Variants in OSBPL10 observed in about 807,000 individuals in gnomAD.
OSBPL10 encodes the protein oxysterol-binding protein-related protein 10.
OSBPL10 carries 49 observed loss-of-function variants against 81.7 expected under a neutral mutation model. That is an observed-to-expected ratio of 0.60 (90% confidence interval 0.48 to 0.76). The LOEUF is 0.76. OSBPL10 is among the 30% of genes least tolerant of loss of function. The pLI is 0.00. For missense variants in OSBPL10, 923 were observed against 987.8 expected, an observed-to-expected ratio of 0.93 and a Z score of 0.88; for synonymous variants, 419 against 383.6, an observed-to-expected ratio of 1.09 and a Z score of -1.08.
intron 1 of OSBPL10, among the ~76,000 whole-genome samples, chr3:31,944,269 A>T (rs1044073698): frequency 6.6e-6 from 1 of 152,154 alleles, no homozygotes; most frequent in African/African-American, 2.4e-5. Context: ...AGTCATACCA[A>T]TCTATATTTC....
chr3:31,926,221 A>C (rs946340679), intron 1 of OSBPL10, among the ~76,000 whole-genome samples: 2 of 150,618 alleles, frequency 1.3e-5, no homozygotes, highest in Admixed American at 6.6e-5. Flanking sequence ...TAACATAAAC[A>C]GTCAATTCGC....
intron 1 of OSBPL10, among the ~76,000 whole-genome samples, chr3:31,950,563 T>C (rs1697837123): frequency 6.6e-6 from 1 of 152,208 alleles, no homozygotes; most frequent in Non-Finnish European, 1.5e-5. Flanking sequence ...TCTTATAAAA[T>C]GGAACATCCA....
chr3:31,774,397 C>CTCCA (rs1698486120), intron 4 of OSBPL10, among the ~76,000 whole-genome samples: 1 of 152,104 alleles, frequency 6.6e-6, no homozygotes, highest in Non-Finnish European at 1.5e-5. Flanking sequence ...AGCAGGCGAG[C>CTCCA]GGAGTGTCGA....
chr3:31,915,014 C>T (rs1208466303), intron 1 of OSBPL10, among the ~76,000 whole-genome samples: 1 of 152,072 alleles, frequency 6.6e-6, no homozygotes, highest in Non-Finnish European at 1.5e-5. Flanking sequence ...GCCCAAGCTC[C>T]GTGCTGGAGT....
Position 31,733,404 on chromosome 3 carries a change from G to A in OSBPL10, c.948C>T (p.Ile316=). The A allele has an allele frequency of 6.2e-7, 1 of 1,614,118 alleles. No homozygotes were observed. The highest frequency in any genetic ancestry group is 1.1e-5 in the South Asian group (1 of 91,082). The change falls in exon 6 of 12, where the codon ATC becomes ATT. Residue 316 remains isoleucine, a synonymous_variant. Coordinates refer to ENST00000396556, the MANE Select transcript of OSBPL10 (RefSeq NM_017784.5). ...GTGACTTGGACCCGTGCCATCCCAG[G>A]ATGTTTTCTGAAATAAAGACCTAGA... The part of the protein sequence containing the change: ...PSQKPGASEN[I]LGWHGSKSHS...
At chr3:31,662,482 A>AGGAAGTCC in intron 11 of OSBPL10, 1 of 1,028,642 alleles carries the variant, frequency 9.7e-7, no homozygotes, top group South Asian at 4.0e-5. Context: ...GGGTGTGCAT[A>AGGAAGTCC]CCAGTGACTT....
chr3:31,768,842 C>T (rs141116790), intron 4 of OSBPL10, among the ~76,000 whole-genome samples: 71 of 152,250 alleles, frequency 4.7e-4, no homozygotes, highest in African/African-American at 1.6e-3. Flanking sequence ...ATTTATTTCA[C>T]AAACAATTTC....
intron 10 of OSBPL10, among the ~76,000 whole-genome samples, chr3:31,666,295 G>A (rs1033896905): frequency 3.9e-5 from 6 of 152,192 alleles, no homozygotes; most frequent in Non-Finnish European, 5.9e-5. Context: ...AGACTTACAG[G>A]TATGGGAAGA....
At chr3:31,737,238 AT>A (rs1697204749) in intron 5 of OSBPL10, among the ~76,000 whole-genome samples, 1 of 152,200 alleles carries the variant, frequency 6.6e-6, no homozygotes, top group East Asian at 1.9e-4. Flanking sequence ...TTAAAAAGTG[AT>A]CATGGGTTTA....
chr3:31,954,020 G>A (rs911450697), intron 1 of OSBPL10, among the ~76,000 whole-genome samples: 1 of 152,184 alleles, frequency 6.6e-6, no homozygotes, highest in Admixed American at 6.5e-5. Context: ...TGTTGCAGCT[G>A]ACTGGTCCTA....
chr3:31,889,712 C>T (rs1695839686), intron 1 of OSBPL10, among the ~76,000 whole-genome samples: 1 of 152,010 alleles, frequency 6.6e-6, no homozygotes, highest in South Asian at 2.1e-4. Flanking sequence ...AAACTTATAG[C>T]TAGACGGGAG....
chr3:31,976,736 T>G (rs1698702967), intron 1 of OSBPL10, among the ~76,000 whole-genome samples: 1 of 152,168 alleles, frequency 6.6e-6, no homozygotes, highest in African/African-American at 2.4e-5. Flanking sequence ...GGATTACAGA[T>G]GTGAGCCAAT....
chr3:31,970,618 G>A (rs897546345), intron 1 of OSBPL10, among the ~76,000 whole-genome samples: 2 of 152,152 alleles, frequency 1.3e-5, no homozygotes, highest in Non-Finnish European at 2.9e-5. Flanking sequence ...CAGGAAAAGG[G>A]GAGAATGGAT....
At chr3:31,765,733 G>A (rs1034031396) in intron 4 of OSBPL10, among the ~76,000 whole-genome samples, 1 of 152,186 alleles carries the variant, frequency 6.6e-6, no homozygotes, top group African/African-American at 2.4e-5. Context: ...GGGATAAGTA[G>A]GACCAGGTTT....
At chr3:32,019,331 G>C (rs889656552) in intron 2 of OSBPL10, among the ~76,000 whole-genome samples, 1 of 152,062 alleles carries the variant, frequency 6.6e-6, no homozygotes, top group African/African-American at 2.4e-5. Flanking sequence ...ATACTCTAGA[G>C]GCTACCCCAT....
rs768095322 is a variant in OSBPL10, at chr3:31,989,251, A to G, written n.298+57240T>C. The G allele has an allele frequency of 2.6e-5, 42 of 1,614,126 alleles. No individual in the cohort carries two copies. Among genetic ancestry groups the G allele is most frequent in the Non-Finnish European group, 3.4e-5 (40 of 1,180,048 alleles). On this transcript the variant is annotated intron_variant and non_coding_transcript_variant, in intron 2 of 3. Coordinates refer to the OSBPL10 transcript ENST00000479173. Reference sequence around the variant, plus strand: ...CAGGGCCATGATGTTGGAGAACTACAGGAACCTGCATTCTGTGGATATCTC... The same window carrying G: ...CAGGGCCATGATGTTGGAGAACTACGGGAACCTGCATTCTGTGGATATCTC...
At chr3:31,699,332 T>C (rs1004140134) in intron 7 of OSBPL10, among the ~76,000 whole-genome samples, 1 of 152,204 alleles carries the variant, frequency 6.6e-6, no homozygotes, top group African/African-American at 2.4e-5. Flanking sequence ...CCAGGTTCAA[T>C]GGAGCCACTC....
chr3:31,829,193 G>C (rs1459501768), intron 4 of OSBPL10, among the ~76,000 whole-genome samples: 1 of 152,118 alleles, frequency 6.6e-6, no homozygotes, highest in Non-Finnish European at 1.5e-5. Flanking sequence ...TTCTCTAAGA[G>C]GAAAGCAAAC....
At chr3:31,722,661 T>C (rs1369660296) in intron 6 of OSBPL10, among the ~76,000 whole-genome samples, 1 of 151,966 alleles carries the variant, frequency 6.6e-6, no homozygotes, top group Non-Finnish European at 1.5e-5. Context: ...AATTACATTA[T>C]ATATATATAT....
Sources: gnomAD v4.1 joint callset for allele counts (sites outside exome capture counted in the v4.1 genomes callset) on GRCh38, gnomAD v4.1.1 for gene constraint, MANE v1.5 for transcripts, NCBI Gene and HGNC (gene_info 2026-07-23, HGNC 2026-07-21) for gene names.